The following DNAJB6 variants were observed in gnomAD, a reference collection of about 807,000 sequenced individuals.
DNAJB6 encodes the protein dnaJ homolog subfamily B member 6.
In DNAJB6, 16 loss-of-function variants were observed where a neutral mutation model predicts 42.7. That is an observed-to-expected ratio of 0.37 (90% CI 0.25 to 0.57). The LOEUF (loss-of-function observed/expected upper bound fraction) is 0.57. Ranked by LOEUF, DNAJB6 falls within the 20% of genes least tolerant of loss-of-function variation. DNAJB6 has a pLI of 0.74. For missense variants in DNAJB6, 347 were observed against 416.8 expected (o/e 0.83, Z 1.46); for synonymous variants, 170 against 163.5 (o/e 1.04, Z -0.30).
At chr7:157,364,032 C>T (rs1235925534) in intron 3 of DNAJB6, among the ~76,000 whole-genome samples, 3 of 152,138 alleles carry the variant, frequency 2.0e-5, no homozygotes, top group Non-Finnish European at 4.4e-5. Context: ...TAACTGAACC[C>T]TGGAAGTGGG....
intron 2 of DNAJB6, among the ~76,000 whole-genome samples, chr7:157,362,052 C>A (rs890528414): frequency 6.6e-6 from 1 of 152,238 alleles, no homozygotes; most frequent in Middle Eastern, 3.4e-3. Context: ...AGGTGTGAGC[C>A]GCTGCACCCG....
intron 3 of DNAJB6, among the ~76,000 whole-genome samples, chr7:157,365,669 T>A (rs947029774): frequency 2.0e-5 from 3 of 151,648 alleles, no homozygotes; most frequent in Non-Finnish European, 2.9e-5. Flanking sequence ...AAGAAAAAAA[T>A]TTTTTTTTGC....
At chr7:157,384,554 ACC>A (rs1800953748) in intron 6 of DNAJB6, among the ~76,000 whole-genome samples, 1 of 152,158 alleles carries the variant, frequency 6.6e-6, no homozygotes, top group Admixed American at 6.5e-5. Context: ...CAAGCAGACC[ACC>A]CACAAGCAGG....
intron 1 of DNAJB6, among the ~76,000 whole-genome samples, chr7:157,352,401 T>A (rs1799035495): frequency 6.6e-6 from 1 of 152,072 alleles, no homozygotes; most frequent in African/African-American, 2.4e-5. Context: ...TCAGTATTGC[T>A]GAAGGCTTTA....
intron 8 of DNAJB6, among the ~76,000 whole-genome samples, chr7:157,405,727 T>G (rs1795744580): frequency 6.6e-6 from 1 of 152,190 alleles, no homozygotes; most frequent in Admixed American, 6.5e-5. Context: ...GATCCCGTTG[T>G]GGCCAGGAGG....
intron 1 of DNAJB6, among the ~76,000 whole-genome samples, chr7:157,356,280 A>C (rs2116934311): frequency 6.6e-6 from 1 of 152,314 alleles, no homozygotes; most frequent in South Asian, 2.1e-4. Context: ...CTGGAGTGAA[A>C]ATAACCTCAC....
At chr7:157,404,544 T>G (rs1003153137) in intron 8 of DNAJB6, among the ~76,000 whole-genome samples, 2 of 144,914 alleles carry the variant, frequency 1.4e-5, no homozygotes, top group African/African-American at 5.3e-5. Context: ...GGAGTCTCGC[T>G]CTGTTGCCCA....
chr7:157,402,262 C>T (rs1359553362), intron 8 of DNAJB6, among the ~76,000 whole-genome samples: 1 of 152,218 alleles, frequency 6.6e-6, no homozygotes, highest in East Asian at 1.9e-4. Flanking sequence ...TGGCCTTGTC[C>T]TCATTTTAAA....
rs150996390 is a variant in DNAJB6, at chr7:157,390,378, C to T, written c.691+4767C>T. Among the ~76,000 whole-genome samples the T allele has an allele frequency of 7.2e-3, 1,101 of 152,322 alleles. 9 individuals carry two copies. Among genetic ancestry groups the T allele is most frequent in the African/African-American group, 0.024 (1,008 of 41,568 alleles). ...ACACTGCAGTTGTTAACATCGCGTC[C>T]TTTTCTGCCCTGTTAGGTTGGTTTC... On this transcript the variant is annotated intron_variant, in intron 8 of 9. Transcript: ENST00000262177.
intron 1 of DNAJB6, among the ~76,000 whole-genome samples, chr7:157,345,522 G>C (rs909509514): frequency 2.0e-5 from 3 of 152,000 alleles, no homozygotes; most frequent in African/African-American, 7.2e-5. Context: ...TTACTGTGTT[G>C]CCCAGGCTGG....
chr7:157,345,986 C>T (rs552075347), intron 1 of DNAJB6, among the ~76,000 whole-genome samples: 23 of 152,084 alleles, frequency 1.5e-4, no homozygotes, highest in South Asian at 6.2e-4. Flanking sequence ...TCCAGGCTCT[C>T]GCTGGGCAGG....
chr7:157,339,543 GCCT>G (rs1798234967), intron 1 of DNAJB6, among the ~76,000 whole-genome samples: 3 of 151,132 alleles, frequency 2.0e-5, no homozygotes, highest in Admixed American at 6.6e-5. Flanking sequence ...CTCGTGATCC[GCCT>G]CCTCGGCCTC....
intron 8 of DNAJB6, among the ~76,000 whole-genome samples, chr7:157,402,616 T>C (rs4716473): frequency 0.22 from 33,246 of 152,198 alleles, 5,056 homozygotes; most frequent in African/African-American, 0.43. Context: ...GGGAGCCGGG[T>C]CCCAGGGGAG....
chr7:157,374,156 C>G (rs1800355826), intron 5 of DNAJB6, among the ~76,000 whole-genome samples: 1 of 152,244 alleles, frequency 6.6e-6, no homozygotes, highest in African/African-American at 2.4e-5. Flanking sequence ...TCCCCACGCG[C>G]TCTTCCTCTC....
At position 157,367,416 on chromosome 7, in the gene DNAJB6, C is replaced by A. The variant is rs149278319; in HGVS notation, c.279C>A (p.Phe93Leu). 1 of 1,613,676 alleles carries A rather than the reference C, an allele frequency of 6.2e-7. No homozygotes were observed. Among genetic ancestry groups the A allele is most frequent in the Non-Finnish European group, 8.5e-7 (1 of 1,179,572 alleles). Residue 93 changes from phenylalanine (F) to leucine (L), a missense_variant, in exon 5 of 10, where the codon TTC becomes TTA. Coordinates refer to ENST00000262177, the MANE Select transcript of DNAJB6 (RefSeq NM_058246.4). ...FDSPFEFGFT[F>L]RNPDDVFREF... is the part of the protein sequence containing the mutation. ...GTCCATTTGAATTTGGCTTCACATT[C>A]CGTAACCCAGATGATGTCTTCAGGG...
chr7:157,369,868 A>ATTATTATTAAACAGGCCTTTCATAATG (rs1458880963), intron 5 of DNAJB6, among the ~76,000 whole-genome samples: 2 of 149,958 alleles, frequency 1.3e-5, no homozygotes, highest in African/African-American at 5.0e-5. Context: ...CCTTCTTCAC[A>ATTATTATTAAACAGGCCTTTCATAATG]TTATTATTAA....
chr7:157,373,666 A>G (rs1800329570), intron 5 of DNAJB6, among the ~76,000 whole-genome samples: 1 of 152,142 alleles, frequency 6.6e-6, no homozygotes, highest in Non-Finnish European at 1.5e-5. Context: ...TAGATGTGTT[A>G]ATGAGAGCTA....
intron 9 of DNAJB6, chr7:157,412,210 A>G (rs1299249650): frequency 1.3e-5 from 2 of 152,260 alleles, no homozygotes; most frequent in Non-Finnish European, 2.9e-5. Context: ...AGTTGGAGAC[A>G]GAACTGGAGT....
At chr7:157,370,585 A>G (rs1167019382) in intron 5 of DNAJB6, among the ~76,000 whole-genome samples, 1 of 152,166 alleles carries the variant, frequency 6.6e-6, no homozygotes, top group Non-Finnish European at 1.5e-5. Flanking sequence ...ATAGAGATCT[A>G]ATTAGATGTG....
Sources: allele counts gnomAD v4.1 joint callset (sites outside exome capture counted in the v4.1 genomes callset), GRCh38; gene constraint gnomAD v4.1.1; transcripts MANE v1.5; gene names NCBI Gene and HGNC (gene_info 2026-07-23, HGNC 2026-07-21).